HP1BP3: variants seen among roughly 807,000 people sequenced by gnomAD.
HP1BP3 encodes the protein heterochromatin protein 1 binding protein 3, also known as heterochromatin protein 1-binding protein 3.
HP1BP3 carries 12 observed loss-of-function variants against 62.5 expected under a neutral mutation model. The observed-to-expected ratio is 0.19, with a 90% CI of 0.12 to 0.31. The LOEUF (loss-of-function observed/expected upper bound fraction) is 0.31. Among genes scored for constraint, HP1BP3 ranks in the 10% least tolerant of loss-of-function variants. The pLI, the probability that HP1BP3 is intolerant of heterozygous loss-of-function variation, is 1.00. For missense variants in HP1BP3, 502 were observed against 651.8 expected (o/e 0.77, Z 2.50); for synonymous variants, 260 against 237.8 (o/e 1.09, Z -0.86).
intron 6 of HP1BP3, 68 bp from the exon 7 acceptor site, chr1:20,767,732 CAT>C (rs2056854212): frequency 3.2e-6 from 3 of 939,984 alleles, no homozygotes; most frequent in Non-Finnish European, 4.9e-6. Flanking sequence ...AATTACAGGC[CAT>C]GGTAATGCAA....
At chr1:20,756,002 G>GAT (rs1482528413) in intron 9 of HP1BP3, among the ~76,000 whole-genome samples, 1 of 152,192 alleles carries the variant, frequency 6.6e-6, no homozygotes, top group Non-Finnish European at 1.5e-5. Flanking sequence ...GTGGAATAGG[G>GAT]AGTGACTGCA....
At chr1:20,760,768 G>T (rs531627094) in intron 8 of HP1BP3, among the ~76,000 whole-genome samples, 1 of 151,826 alleles carries the variant, frequency 6.6e-6, no homozygotes, top group Admixed American at 6.6e-5. Context: ...CCGAGGAGGC[G>T]GAGGTTGCAG....
chr1:20,753,827 T>TA (rs1347083985), intron 9 of HP1BP3, among the ~76,000 whole-genome samples: 1 of 152,178 alleles, frequency 6.6e-6, no homozygotes, highest in Non-Finnish European at 1.5e-5. Flanking sequence ...CCATTCATGA[T>TA]AAAAACTCCC....
chr1:20,776,274 GT>G (rs1413048437), intron 4 of HP1BP3: 2 of 432,602 alleles, frequency 4.6e-6, no homozygotes, highest in Non-Finnish European at 8.1e-6. Flanking sequence ...GATTTTTATA[GT>G]TATGTTTCAT....
intron 9 of HP1BP3, among the ~76,000 whole-genome samples, chr1:20,751,420 A>T (rs987217974): frequency 2.0e-5 from 3 of 152,052 alleles, no homozygotes; most frequent in East Asian, 1.9e-4. Flanking sequence ...GCAGTGAAAA[A>T]TTTTGATAAA....
chr1:20,762,620 G>C (rs978824263), intron 8 of HP1BP3, among the ~76,000 whole-genome samples: 3 of 152,084 alleles, frequency 2.0e-5, no homozygotes, highest in Non-Finnish European at 4.4e-5. Flanking sequence ...CTTTGAAAAA[G>C]CTAATCAGAA....
intron 5 of HP1BP3, among the ~76,000 whole-genome samples, chr1:20,772,372 T>C (rs911343244): frequency 6.6e-6 from 1 of 152,228 alleles, no homozygotes; most frequent in Non-Finnish European, 1.5e-5. Flanking sequence ...CAGCCCTTTT[T>C]CCATCCTCAC....
intron 4 of HP1BP3, 52 bp downstream of exon 4, chr1:20,776,545 G>C (rs1359070256): frequency 6.7e-6 from 10 of 1,484,632 alleles, no homozygotes; most frequent in Middle Eastern, 2.0e-4. Context: ...CTAATCTAAA[G>C]TCCTTTTACA....
intron 8 of HP1BP3, among the ~76,000 whole-genome samples, chr1:20,765,036 G>C (rs548609077): frequency 1.5e-4 from 22 of 151,182 alleles, no homozygotes; most frequent in African/African-American, 4.9e-4. Flanking sequence ...GGGTGTCGTG[G>C]CGGGTGCCTG....
intron 4 of HP1BP3, chr1:20,774,273 G>A (rs1225017315): frequency 6.6e-6 from 1 of 152,124 alleles, no homozygotes; most frequent in Non-Finnish European, 1.5e-5. Context: ...GGAGGCTGAG[G>A]AGGGAGGACA....
In HP1BP3 at chr1:20,744,636, C is replaced by T; in HGVS notation, c.*161G>A. ...CAGGCACCAATAAAAGCACCTAAAG[C>T]TAGCAAATGCCTAAACTGGTTTATT... On this transcript the variant is annotated 3_prime_UTR_variant, in exon 13 of 13. Coordinates refer to ENST00000438032, the MANE Select transcript of HP1BP3 (RefSeq NM_001372052.1). The T allele has an allele frequency of 1.5e-6, 1 of 657,054 alleles. No individual in the cohort carries two copies. Among genetic ancestry groups the T allele is most frequent in the South Asian group, 2.0e-5 (1 of 49,176 alleles). The allele number at this position is 657,054 out of a possible 1,614,324, so 40.7% of individuals were successfully genotyped here.
chr1:20,776,609 T>G lies in HP1BP3; in HGVS notation c.338A>C (p.Glu113Ala). The G allele has an allele frequency of 6.2e-7, 1 of 1,610,872 alleles. No homozygotes were observed. Among genetic ancestry groups the G allele is most frequent in the South Asian group, 1.1e-5 (1 of 90,292 alleles). ...EEKEENKSSE[E>A]TKKDEKDQSK... The stretch of plus-strand genomic sequence containing the variant: ...CATAACTCCTTACTCCTTTTTGGTT[T>G]CCTCAGAAGACTTATTTTCTTCCTT... Residue 113 changes from glutamate (E) to alanine (A), a missense_variant, in exon 4 of 13, where the codon GAA becomes GCA. Around this residue, in one of 5 missense-constraint regions of HP1BP3, gnomAD observed 165 missense variants for 156.4 expected, o/e 1.05. Coordinates refer to ENST00000438032, the MANE Select transcript of HP1BP3 (RefSeq NM_001372052.1).
Position 20,770,900 on chromosome 1 carries a change from A to G in HP1BP3, c.654+30T>C, listed in dbSNP as rs192899986. On this transcript the variant is annotated intron_variant, in intron 6 of 12. Transcript: ENST00000438032. ...AGACTTAAAGCTAATACACAATGAAATGATCTTACTACTAACAATTGTGTA... is the reference window on the plus strand; with the variant it reads ...AGACTTAAAGCTAATACACAATGAAGTGATCTTACTACTAACAATTGTGTA... The G allele has an allele frequency of 1.3e-3, 1,919 of 1,513,524 alleles. 28 individuals carry two copies. Among genetic ancestry groups the G allele is most frequent in the Non-Finnish European group, 2.4e-4 (267 of 1,121,916 alleles). The allele number at this position is 1,513,524 out of a possible 1,614,324, so 93.8% of individuals were successfully genotyped here.
At position 20,744,678 on chromosome 1, in the gene HP1BP3, A is replaced by G. The variant is rs952346077; in HGVS notation, c.*119T>C. 1 of 963,594 alleles carries G rather than the reference A, an allele frequency of 1.0e-6. No individual in the cohort carries two copies. The highest frequency in any genetic ancestry group is 1.6e-5 in the African/African-American group (1 of 61,168). The allele number at this position is 963,594 out of a possible 1,614,324, so 59.7% of individuals were successfully genotyped here. A position where few individuals can be genotyped will look rare whatever the true frequency, so the allele number is the denominator to read the frequency against. On this transcript the variant is annotated 3_prime_UTR_variant, in exon 13 of 13. Coordinates refer to ENST00000438032, the MANE Select transcript of HP1BP3 (RefSeq NM_001372052.1). ...TGGTTTATTTAGAGTCCCTCCCCAC[A>G]ATGTTCATAGGGGAGGAAAATAATG...
intron 9 of HP1BP3, among the ~76,000 whole-genome samples, chr1:20,752,646 C>T (rs1392957671): frequency 1.3e-5 from 2 of 152,120 alleles, no homozygotes; most frequent in African/African-American, 4.8e-5. Flanking sequence ...GGTAAAACTG[C>T]TGTCAGCTTA....
rs184033717 is a variant in HP1BP3 at position 20,745,063 on chromosome 1, G to C, written c.1396C>G (p.Pro466Ala). Reference protein sequence around the residue: ...RLQKKTPAKSPGKAASVKQRG... With the variant: ...RLQKKTPAKSAGKAASVKQRG... The stretch of plus-strand genomic sequence containing the variant: ...TGCTTCACAGATGCGGCCTTCCCTG[G>C]GGACTTGGCTGGGGTTTTCTTCTGC... Residue 466 changes from proline to alanine, a missense_variant, in exon 13 of 13, where the codon CCA (proline) becomes GCA (alanine). Transcript: ENST00000438032. 8 of 1,611,666 alleles carry C rather than the reference G, an allele frequency of 5.0e-6. No individual in the cohort carries two copies. Among genetic ancestry groups the C allele is most frequent in the Non-Finnish European group, 6.8e-6 (8 of 1,179,344 alleles).
At position 20,744,964 on chromosome 1, in the gene HP1BP3, G is replaced by A. The variant is rs756667351; in HGVS notation, c.1495C>T (p.Pro499Ser). The change falls in exon 13 of 13, where the codon CCT becomes TCT. Residue 499 changes from proline to serine, a missense_variant. By Grantham distance (74) the Pro-to-Ser change is moderately conservative. This residue lies in a region of HP1BP3 where 194 missense variants were observed against 207.0 expected (regional missense o/e 0.94). Transcript: ENST00000438032. ...TTGGCAGGCGTTTTGGCCTTAGGAGGTGCTTTCTTAGGCAAGGGCCTAGCT... is the reference window on the plus strand; with the variant it reads ...TTGGCAGGCGTTTTGGCCTTAGGAGATGCTTTCTTAGGCAAGGGCCTAGCT... Reference protein sequence around the residue: ...GKARPLPKKAPPKAKTPAKKT... With the variant: ...GKARPLPKKASPKAKTPAKKT... 7 of 1,614,154 alleles carry A rather than the reference G, an allele frequency of 4.3e-6. No individual in the cohort carries two copies. Among genetic ancestry groups the A allele is most frequent in the South Asian group, 3.3e-5 (3 of 91,084 alleles).
At chr1:20,748,133 G>C (rs2055458249) in intron 10 of HP1BP3, among the ~76,000 whole-genome samples, 1 of 151,092 alleles carries the variant, frequency 6.6e-6, no homozygotes. Context: ...TAAGTGACTT[G>C]CTCTAAGGTA....
chr1:20,746,607 A>AT (rs1006177738), intron 11 of HP1BP3, among the ~76,000 whole-genome samples: 4 of 152,218 alleles, frequency 2.6e-5, no homozygotes, highest in Middle Eastern at 3.4e-3. Context: ...TGATCAATAT[A>AT]TTTTTTTGTT....
Sources: allele counts gnomAD v4.1 joint callset (sites outside exome capture counted in the v4.1 genomes callset), GRCh38; gene constraint gnomAD v4.1.1; regional missense constraint gnomAD v4.1.1; transcripts MANE v1.5; gene names NCBI Gene and HGNC (gene_info 2026-07-23, HGNC 2026-07-21).